MED27: variants seen among roughly 807,000 people sequenced by gnomAD.
MED27 encodes the protein mediator of RNA polymerase II transcription subunit 27.
MED27 carries 30 observed loss-of-function variants against 38.2 expected under a neutral mutation model. The observed-to-expected ratio is 0.79, with a 90% CI of 0.59 to 1.07. MED27 has a LOEUF of 1.07. MED27 is among the 50% of genes least tolerant of loss of function. MED27 has a pLI of 0.00. For synonymous variants in MED27, 122 were observed against 153.5 expected, an observed-to-expected ratio of 0.79 and a Z score of 1.52; for missense variants, 289 against 397.5, an observed-to-expected ratio of 0.73 and a Z score of 2.32.
At chr9:132,075,097 T>G (rs533009230) in intron 2 of MED27, among the ~76,000 whole-genome samples, 1 of 152,344 alleles carries the variant, frequency 6.6e-6, no homozygotes, top group East Asian at 1.9e-4. Flanking sequence ...ACATACAGTT[T>G]CATGAATAAA....
At chr9:132,018,003 G>C (rs1832641527) in intron 2 of MED27, among the ~76,000 whole-genome samples, 1 of 152,156 alleles carries the variant, frequency 6.6e-6, no homozygotes, top group Non-Finnish European at 1.5e-5. Flanking sequence ...AATGTAAGTG[G>C]GAGAGGAAGC....
chr9:131,934,929 GGTTGTTAA>G (rs1215615894), intron 4 of MED27, among the ~76,000 whole-genome samples: 3 of 152,190 alleles, frequency 2.0e-5, no homozygotes, highest in African/African-American at 7.2e-5. Context: ...TGGAAATGGA[GGTTGTTAA>G]GTTATGTGAA....
chr9:132,073,391 C>A (rs1321612460), intron 2 of MED27: 49 of 1,035,120 alleles, frequency 4.7e-5, no homozygotes, highest in Non-Finnish European at 5.4e-5. Flanking sequence ...CTCAGTGAAT[C>A]TTCACTGAAT....
At chr9:131,867,612 C>T (rs1392609768) in intron 6 of MED27, among the ~76,000 whole-genome samples, 2 of 152,216 alleles carry the variant, frequency 1.3e-5, no homozygotes, top group African/African-American at 4.8e-5. Flanking sequence ...AAGAATGGTG[C>T]TGCTTGAAAT....
At chr9:132,029,205 G>A (rs191992254) in intron 2 of MED27, among the ~76,000 whole-genome samples, 1 of 152,206 alleles carries the variant, frequency 6.6e-6, no homozygotes, top group South Asian at 2.1e-4. Context: ...GAGATTGAAA[G>A]CTTTTAGAAT....
chr9:131,884,452 T>A (rs942032631), intron 5 of MED27, among the ~76,000 whole-genome samples: 1 of 152,194 alleles, frequency 6.6e-6, no homozygotes, highest in African/African-American at 2.4e-5. Flanking sequence ...CCTTTGCACT[T>A]GCTGTGCCCT....
chr9:131,881,276 T>C (rs956326167), intron 6 of MED27, among the ~76,000 whole-genome samples: 1 of 152,214 alleles, frequency 6.6e-6, no homozygotes, highest in African/African-American at 2.4e-5. Flanking sequence ...CTGAGACTTT[T>C]TGCATGCGAA....
intron 3 of MED27, among the ~76,000 whole-genome samples, chr9:132,002,026 T>G (rs996617849): frequency 6.6e-6 from 1 of 152,252 alleles, no homozygotes; most frequent in Non-Finnish European, 1.5e-5. Flanking sequence ...GCTGTGGCCC[T>G]GCATCAGCTG....
intron 6 of MED27, among the ~76,000 whole-genome samples, chr9:131,870,474 T>C (rs1027244452): frequency 6.6e-6 from 1 of 152,178 alleles, no homozygotes; most frequent in Non-Finnish European, 1.5e-5. Flanking sequence ...ACTCTCACGT[T>C]TGGGACTTCT....
intron 3 of MED27, among the ~76,000 whole-genome samples, chr9:131,977,033 G>A (rs1831624086): frequency 6.6e-6 from 1 of 152,200 alleles, no homozygotes; most frequent in African/African-American, 2.4e-5. Context: ...TTTGATGTCA[G>A]TTACAAGGAT....
chr9:131,893,857 G>A, intron 5 of MED27, 28 bp downstream of exon 5: 1 of 1,538,962 alleles, frequency 6.5e-7, no homozygotes, highest in Non-Finnish European at 9.0e-7. Context: ...AGAAAACCAA[G>A]GAACACACAA....
At chr9:132,039,532 G>A (rs992899232) in intron 2 of MED27, among the ~76,000 whole-genome samples, 3 of 152,182 alleles carry the variant, frequency 2.0e-5, no homozygotes, top group Non-Finnish European at 2.9e-5. Flanking sequence ...TCCATCCCGA[G>A]GTACTGAGCG....
chr9:131,911,602 A>T (rs1830189243), intron 4 of MED27, among the ~76,000 whole-genome samples: 1 of 152,260 alleles, frequency 6.6e-6, no homozygotes, highest in African/African-American at 2.4e-5. Flanking sequence ...TATTTGCAGG[A>T]AAAGAAAAGT....
chr9:132,015,717 C>T (rs755959372), intron 2 of MED27, among the ~76,000 whole-genome samples: 30 of 152,162 alleles, frequency 2.0e-4, no homozygotes, highest in Non-Finnish European at 3.5e-4. Context: ...TCCAATTTGA[C>T]GTGTGACAAT....
At chr9:132,004,233 C>T (rs1488081328) in intron 3 of MED27, among the ~76,000 whole-genome samples, 1 of 152,160 alleles carries the variant, frequency 6.6e-6, no homozygotes, top group Non-Finnish European at 1.5e-5. Context: ...GTAACTTTTA[C>T]AACATATATG....
chr9:132,057,545 A>G (rs924991971), intron 2 of MED27, among the ~76,000 whole-genome samples: 13 of 152,230 alleles, frequency 8.5e-5, no homozygotes, highest in African/African-American at 2.9e-4. Context: ...ATCTGCAGCT[A>G]GTTTCCAGCC....
chr9:132,025,314 C>G (rs1244507122), intron 2 of MED27, among the ~76,000 whole-genome samples: 1 of 152,030 alleles, frequency 6.6e-6, no homozygotes, highest in East Asian at 1.9e-4. Flanking sequence ...TCGCGAGTTG[C>G]TGGGATTACA....
intron 2 of MED27, among the ~76,000 whole-genome samples, chr9:132,036,807 T>C (rs532221097): frequency 2.6e-5 from 4 of 152,274 alleles, no homozygotes; most frequent in African/African-American, 4.8e-5. Context: ...CCTGTAAGTA[T>C]TGACAGACAT....
intron 3 of MED27, among the ~76,000 whole-genome samples, chr9:132,002,162 A>G (rs1044569538): frequency 2.0e-5 from 3 of 152,206 alleles, no homozygotes; most frequent in African/African-American, 7.2e-5. Context: ...CTCAGAGCGT[A>G]ACTGAGGTTT....
Sources: allele counts gnomAD v4.1 joint callset (sites outside exome capture counted in the v4.1 genomes callset), GRCh38; gene constraint gnomAD v4.1.1; transcripts MANE v1.5; gene names NCBI Gene and HGNC (gene_info 2026-07-23, HGNC 2026-07-21).